The following KRABD1 variants were observed in gnomAD, a reference collection of about 807,000 sequenced individuals.
KRABD1 encodes the protein KRAB domain containing 1.
At chr3:42,942,117 G>T in the KRABD1 span, 1 of 1,299,032 alleles carries the variant, frequency 7.7e-7, no homozygotes, top group Non-Finnish European at 1.1e-6. Context: ...CTCTTCCTTT[G>T]CCTTCATTTC....
chr3:42,941,419 G>C, the KRABD1 span: 2 of 1,456,742 alleles, frequency 1.4e-6, no homozygotes, highest in Admixed American at 2.3e-5. Context: ...ATAATTATTA[G>C]CTGACCCCAA....
At chr3:42,942,613 A>G in the KRABD1 span, 1 of 1,436,504 alleles carries the variant, frequency 7.0e-7, no homozygotes, top group Non-Finnish European at 9.2e-7. Context: ...ATTTTTCGAA[A>G]TCGTCAATGC....
the KRABD1 span, chr3:42,937,944 C>G: frequency 6.6e-6 from 1 of 152,192 alleles, no homozygotes; most frequent in South Asian, 2.1e-4. Context: ...TGAGTATATG[C>G]ACTTTTATGT....
chr3:42,938,293 T>C, the KRABD1 span: 5 of 152,170 alleles, frequency 3.3e-5, no homozygotes, highest in Non-Finnish European at 7.3e-5. Context: ...AGGGGAAAAA[T>C]AGTAGTAGGG....
chr3:42,940,606 G>A, the KRABD1 span, among the ~76,000 whole-genome samples: 1 of 152,068 alleles, frequency 6.6e-6, no homozygotes, highest in Non-Finnish European at 1.5e-5. Flanking sequence ...CCTATCTTGA[G>A]CCTTATGCAC....
At chr3:42,940,666 G>A in the KRABD1 span, among the ~76,000 whole-genome samples, 3,573 of 152,218 alleles carry the variant, frequency 0.023, 263 homozygotes, top group East Asian at 0.22. Flanking sequence ...ATTTTCCTGC[G>A]TTTCTCTAAC....
the KRABD1 span, among the ~76,000 whole-genome samples, chr3:42,939,444 A>G: frequency 1.1e-4 from 16 of 152,162 alleles, no homozygotes; most frequent in Non-Finnish European, 2.2e-4. Context: ...TTTTGTGATA[A>G]TAGCACATTT....
the KRABD1 span, chr3:42,937,681 T>A: frequency 2.0e-5 from 3 of 152,268 alleles, no homozygotes; most frequent in Non-Finnish European, 4.4e-5. Flanking sequence ...TTTACACTCA[T>A]AAATATTTCT....
chr3:42,941,975 C>G, the KRABD1 span: 50 of 1,535,608 alleles, frequency 3.3e-5, no homozygotes, highest in Non-Finnish European at 3.9e-5. Flanking sequence ...CACTTCCAAA[C>G]CAGCTTTGGT....
At chr3:42,939,024 T>A in the KRABD1 span, 1 of 897,530 alleles carries the variant, frequency 1.1e-6, no homozygotes, top group Non-Finnish European at 1.7e-6. Flanking sequence ...ATATTACACA[T>A]TTACATATAT....
chr3:42,940,124 C>T, the KRABD1 span, among the ~76,000 whole-genome samples: 6 of 152,110 alleles, frequency 3.9e-5, no homozygotes, highest in Admixed American at 6.5e-5. Context: ...TACCTTTATA[C>T]TTAGGTGTGT....
the KRABD1 span, chr3:42,941,338 C>A: frequency 6.3e-7 from 1 of 1,596,268 alleles, no homozygotes. Context: ...AACTATGAGG[C>A]TGTGGCCTTT....
the KRABD1 span, among the ~76,000 whole-genome samples, chr3:42,939,597 T>C: frequency 6.6e-6 from 1 of 152,170 alleles, no homozygotes. Context: ...TTTTAGCTCA[T>C]AGGGTATATA....
the KRABD1 span, among the ~76,000 whole-genome samples, chr3:42,940,873 G>T: frequency 5.3e-5 from 8 of 152,224 alleles, no homozygotes; most frequent in African/African-American, 1.9e-4. Flanking sequence ...TTAGAGCTAA[G>T]CTGACAGCTA....
At chr3:42,936,665 G>A in the KRABD1 span, 1 of 152,280 alleles carries the variant, frequency 6.6e-6, no homozygotes, top group African/African-American at 2.4e-5. Context: ...GTCGGATACT[G>A]ACACACATTC....
At chr3:42,942,451 T>G in the KRABD1 span, 6 of 443,536 alleles carry the variant, frequency 1.4e-5, no homozygotes, top group South Asian at 7.6e-5. Flanking sequence ...TTGTTTTTCA[T>G]GAGAACTAAT....
chr3:42,941,671 G>C, the KRABD1 span, among the ~76,000 whole-genome samples: 4 of 151,966 alleles, frequency 2.6e-5, no homozygotes, highest in African/African-American at 9.7e-5. Flanking sequence ...GGAGCCATTT[G>C]TCTTTTTCCC....
At chr3:42,941,036 T>C in the KRABD1 span, among the ~76,000 whole-genome samples, 1 of 152,224 alleles carries the variant, frequency 6.6e-6, no homozygotes, top group Non-Finnish European at 1.5e-5. Context: ...TATGCTGAAC[T>C]CTGACTGGCT....
chr3:42,942,585 C>G, the KRABD1 span: 1 of 1,440,688 alleles, frequency 6.9e-7, no homozygotes, highest in East Asian at 2.6e-5. Context: ...AGCAGTGTTA[C>G]GTAGAATAGT....
Sources: allele counts gnomAD v4.1 joint callset (sites outside exome capture counted in the v4.1 genomes callset), GRCh38; gene constraint gnomAD v4.1.1; transcripts MANE v1.5; gene names NCBI Gene and HGNC (gene_info 2026-07-23, HGNC 2026-07-21).